ZNF544: variants seen among roughly 807,000 people sequenced by gnomAD.
The protein encoded by ZNF544 is zinc finger protein 544, also known as zinc finger protein AF020591.
ZNF544 carries 10 observed loss-of-function variants against 13.5 expected under a neutral mutation model. The observed-to-expected ratio is 0.74, with a 90% CI of 0.46 to 1.25. ZNF544 has a LOEUF of 1.25. ZNF544 is among the 50% of genes most tolerant of loss of function. The pLI is 0.00. For missense variants in ZNF544, 896 were observed against 845.6 expected (o/e 1.06, Z -0.74); for synonymous variants, 323 against 300.5 (o/e 1.07, Z -0.77).
intron 6 of ZNF544, 117 bp downstream of exon 6, chr19:58,246,911 C>G: frequency 1.2e-6 from 1 of 861,788 alleles, no homozygotes; most frequent in Non-Finnish European, 1.8e-6. Context: ...TCCTTGGGTG[C>G]TCTTTGCAGC....
At position 58,262,744 on chromosome 19, in the gene ZNF544, A is replaced by G. The variant is rs531157897; in HGVS notation, c.2138A>G (p.Glu713Gly). The change falls in exon 7 of 7, where the codon GAG (glutamate) becomes GGG (glycine). Residue 713 changes from glutamate to glycine, a missense_variant. By Grantham distance (98) the Glu-to-Gly change is moderately conservative. Coordinates refer to ENST00000687789, the MANE Select transcript of ZNF544 (RefSeq NM_014480.4). ...GTGCATCGGCGGACACATACTGGAG[A>G]GAAACCTTAGGAGTGCAGTCATTGT... ...LVVHRRTHTG[E>G]KP The G allele has an allele frequency of 1.3e-6, 2 of 1,597,828 alleles. No homozygotes were observed. The highest frequency in any genetic ancestry group is 1.3e-5 in the African/African-American group (1 of 74,698).
At chr19:58,269,148 T>C (rs2050293321) in intron 5 of ZNF544, among the ~76,000 whole-genome samples, 1 of 152,142 alleles carries the variant, frequency 6.6e-6, no homozygotes, top group Admixed American at 6.6e-5. Context: ...TAAAAACAGA[T>C]GGCAGGCTGG....
At chr19:58,235,289 A>G (rs2042148256) in intron 3 of ZNF544, among the ~76,000 whole-genome samples, 1 of 152,228 alleles carries the variant, frequency 6.6e-6, no homozygotes, top group Non-Finnish European at 1.5e-5. Context: ...AAACATAGAA[A>G]AGGTACGGTA....
At chr19:58,239,036 G>GT (rs1309396183) in intron 3 of ZNF544, among the ~76,000 whole-genome samples, 3 of 152,116 alleles carry the variant, frequency 2.0e-5, no homozygotes, top group Non-Finnish European at 2.9e-5. Flanking sequence ...TGGCCTCTGA[G>GT]TTCTCCTTCG....
At chr19:58,240,090 T>C (rs923535088) in intron 3 of ZNF544, among the ~76,000 whole-genome samples, 3 of 151,990 alleles carry the variant, frequency 2.0e-5, no homozygotes, top group African/African-American at 7.3e-5. Context: ...GAGGGATGTG[T>C]TATGTAGGCA....
chr19:58,242,784 C>T lies in ZNF544; in HGVS notation c.-59-1181C>T, dbSNP rs1197340254. ...GCAATCTCGGCTCACTAAAACTTCC[C>T]GCCCCCCGGGTTCAAGGGATTCTCC... On this transcript the variant is annotated intron_variant, in intron 3 of 6. Transcript: ENST00000687789. Among the ~76,000 whole-genome samples, 5 of 152,196 alleles carry T rather than the reference C, an allele frequency of 3.3e-5. No homozygotes were observed. The South Asian group carries it at 6.2e-4, about 19-fold the overall frequency.
chr19:58,268,682 CTT>C (rs2050236771), downstream of ZNF544, among the ~76,000 whole-genome samples: 1 of 152,204 alleles, frequency 6.6e-6, no homozygotes, highest in Admixed American at 6.5e-5. Context: ...CAGTTTAAAA[CTT>C]TTCTAAATAG....
chr19:58,275,635 C>T (rs922552151), intron 5 of ZNF544, among the ~76,000 whole-genome samples: 8 of 151,686 alleles, frequency 5.3e-5, no homozygotes, highest in African/African-American at 1.9e-4. Flanking sequence ...ATCACAAAAC[C>T]CTGTCTCTAC....
rs199950417 is a variant in ZNF544 at position 58,241,944 on chromosome 19, T to TC, written c.-59-2021_-59-2020insC. ...ACTTCTCTCTCTCTCTCTCTCTCTCTTTGTGCTTGTTCTTGGAGGACTTGA... is the reference window on the plus strand; with the variant it reads ...ACTTCTCTCTCTCTCTCTCTCTCTCTCTTGTGCTTGTTCTTGGAGGACTTGA... On this transcript the variant is annotated intron_variant, in intron 3 of 6. Coordinates refer to ENST00000687789, the MANE Select transcript of ZNF544 (RefSeq NM_014480.4). 1.3e-4 allele frequency among the ~76,000 whole-genome samples: 20 copies of TC among 151,994 alleles called. No individual in the cohort carries two copies. In the East Asian group the frequency reaches 3.7e-3, roughly 28 times the overall value.
intron 6 of ZNF544, among the ~76,000 whole-genome samples, chr19:58,252,490 C>T (rs531472240): frequency 6.6e-6 from 1 of 152,306 alleles, no homozygotes; most frequent in African/African-American, 2.4e-5. Flanking sequence ...TAACTTTCTT[C>T]ACCTCTCTCT....
Position 58,259,121 on chromosome 19 carries a change from C to CT in ZNF544, c.245-1729dup, listed in dbSNP as rs1353270144. ...GGGCTACAGCAAGGAAAATGAACCTCTAAGAGGCTAAGGACCTGTCTGAAG... is the reference window on the plus strand; with the variant it reads ...GGGCTACAGCAAGGAAAATGAACCTCTTAAGAGGCTAAGGACCTGTCTGAAG... On this transcript the variant is annotated intron_variant, in intron 6 of 6. Coordinates refer to ENST00000687789, the MANE Select transcript of ZNF544 (RefSeq NM_014480.4). The CT allele has an allele frequency of 5.3e-5, 8 of 152,376 alleles. No individual in the cohort carries two copies. In the East Asian group the frequency reaches 1.5e-3, roughly 29 times the overall value. 9.4% of individuals were successfully genotyped at this position (152,376 alleles called of 1,614,324 possible).
At chr19:58,253,678 G>A (rs931027591) in intron 6 of ZNF544, among the ~76,000 whole-genome samples, 1 of 152,100 alleles carries the variant, frequency 6.6e-6, no homozygotes, top group Non-Finnish European at 1.5e-5. Flanking sequence ...GACCTCGGGT[G>A]ATCTGCCCAC....
intron 4 of ZNF544, among the ~76,000 whole-genome samples, chr19:58,245,478 T>G (rs1484277062): frequency 6.6e-6 from 1 of 151,358 alleles, no homozygotes; most frequent in African/African-American, 2.4e-5. Flanking sequence ...ATTTTTGTAT[T>G]TTTAGTAGAG....
intron 4 of ZNF544, chr19:58,245,669 C>T (rs1421946183): frequency 6.3e-6 from 1 of 158,062 alleles, no homozygotes; most frequent in African/African-American, 2.4e-5. Flanking sequence ...ACAGTTTATT[C>T]TATAGCATTA....
intron 6 of ZNF544, among the ~76,000 whole-genome samples, chr19:58,254,773 A>C (rs1311766235): frequency 6.6e-6 from 1 of 152,150 alleles, no homozygotes; most frequent in Non-Finnish European, 1.5e-5. Context: ...GAAACATTGC[A>C]GAGTTAATAG....
downstream of ZNF544, among the ~76,000 whole-genome samples, chr19:58,268,243 G>A (rs1259485130): frequency 6.6e-6 from 1 of 152,274 alleles, no homozygotes; most frequent in Non-Finnish European, 1.5e-5. Flanking sequence ...AGATTGCAGT[G>A]AGCCGAGGTC....
chr19:58,240,002 G>T lies in ZNF544; in HGVS notation c.-59-3963G>T, dbSNP rs1350779926. On this transcript the variant is annotated intron_variant, in intron 3 of 6. Coordinates refer to ENST00000687789, the MANE Select transcript of ZNF544 (RefSeq NM_014480.4). Reference sequence around the variant, plus strand: ...CTCATTCAGCTCCCAGTGGAGTTGCGTAGACAGTGCTTAATTCTCCAAACG... The same window carrying T: ...CTCATTCAGCTCCCAGTGGAGTTGCTTAGACAGTGCTTAATTCTCCAAACG... 4.6e-5 allele frequency among the ~76,000 whole-genome samples: 7 copies of T among 152,130 alleles called. No individual in the cohort carries two copies. The South Asian group carries it at 1.4e-3, about 31-fold the overall frequency.
rs1466286416 is a variant in ZNF544, at chr19:58,263,497, C to T, written c.*743C>T. On this transcript the variant is annotated 3_prime_UTR_variant, in exon 7 of 7. Coordinates refer to ENST00000687789, the MANE Select transcript of ZNF544 (RefSeq NM_014480.4). Reference sequence around the variant, plus strand: ...AAGATGGGAAATTTCCCTGCCAGACCTTGTTTACTAGAAATCAGGTGGCCA... The same window carrying T: ...AAGATGGGAAATTTCCCTGCCAGACTTTGTTTACTAGAAATCAGGTGGCCA... 1 of 985,262 alleles carries T rather than the reference C, an allele frequency of 1.0e-6. No individual in the cohort carries two copies. The highest frequency in any genetic ancestry group is 1.7e-5 in the African/African-American group (1 of 57,216). The allele number at this position is 985,262 out of a possible 1,614,324, so 61.0% of individuals were successfully genotyped here.
chr19:58,250,949 G>A (rs1245650846), intron 6 of ZNF544, among the ~76,000 whole-genome samples: 1 of 152,170 alleles, frequency 6.6e-6, no homozygotes, highest in East Asian at 1.9e-4. Flanking sequence ...ATTAACTGCT[G>A]GAGGGGTAAA....
Sources: allele counts gnomAD v4.1 joint callset (sites outside exome capture counted in the v4.1 genomes callset), GRCh38; gene constraint gnomAD v4.1.1; transcripts MANE v1.5; gene names NCBI Gene and HGNC (gene_info 2026-07-23, HGNC 2026-07-21).